The following PALM2AKAP2 variants were observed in gnomAD, a reference collection of about 807,000 sequenced individuals.
The protein encoded by PALM2AKAP2 is PALM2-AKAP2 fusion protein.
In PALM2AKAP2, 37 loss-of-function variants were observed where a neutral mutation model predicts 71.5. That is an observed-to-expected ratio of 0.52 (90% confidence interval 0.40 to 0.68). The LOEUF (loss-of-function observed/expected upper bound fraction) is 0.68. Ranked by LOEUF, PALM2AKAP2 falls within the 30% of genes least tolerant of loss-of-function variation. The probability of loss-of-function intolerance (pLI) is 0.00; values close to 1 mark genes in which losing one functional copy is unlikely to be tolerated. For synonymous variants in PALM2AKAP2, 468 were observed against 478.8 expected, an observed-to-expected ratio of 0.98 and a Z score of 0.29; for missense variants, 1,224 against 1,191.8, an observed-to-expected ratio of 1.03 and a Z score of -0.40.
At chr9:110,081,970 T>C (rs1834459100) in intron 1 of PALM2AKAP2, among the ~76,000 whole-genome samples, 1 of 152,154 alleles carries the variant, frequency 6.6e-6, no homozygotes, top group African/African-American at 2.4e-5. Flanking sequence ...GATTTCAACC[T>C]TTTAATGTGT....
chr9:110,150,326 T>C (rs1339473962), intron 2 of PALM2AKAP2, among the ~76,000 whole-genome samples: 1 of 152,210 alleles, frequency 6.6e-6, no homozygotes, highest in African/African-American at 2.4e-5. Flanking sequence ...AACCTAAGAC[T>C]GGGCTAAAAT....
chr9:110,123,507 T>C (rs1365947815), intron 1 of PALM2AKAP2, among the ~76,000 whole-genome samples: 1 of 152,130 alleles, frequency 6.6e-6, no homozygotes, highest in Non-Finnish European at 1.5e-5. Context: ...CCAAATAAGG[T>C]CACATTCTGA....
At chr9:109,680,897 T>C (rs1398707129) in intron 1 of PALM2AKAP2, among the ~76,000 whole-genome samples, 2 of 152,206 alleles carry the variant, frequency 1.3e-5, no homozygotes. Flanking sequence ...AGTAAATATA[T>C]AATTTTTTAC....
At chr9:110,116,424 G>A (rs575142300) in intron 1 of PALM2AKAP2, among the ~76,000 whole-genome samples, 1 of 152,252 alleles carries the variant, frequency 6.6e-6, no homozygotes, top group African/African-American at 2.4e-5. Context: ...GCGTGCACGC[G>A]CACCTTGTAG....
intron 3 of PALM2AKAP2, among the ~76,000 whole-genome samples, chr9:109,885,416 G>A (rs945567477): frequency 5.9e-5 from 9 of 152,218 alleles, no homozygotes; most frequent in Non-Finnish European, 7.3e-5. Flanking sequence ...AGGAAATTTG[G>A]ATTTAGTGAT....
At chr9:109,731,370 C>T (rs780985075) in intron 1 of PALM2AKAP2, among the ~76,000 whole-genome samples, 2 of 152,130 alleles carry the variant, frequency 1.3e-5, no homozygotes, top group Non-Finnish European at 2.9e-5. Flanking sequence ...CAAATTCATT[C>T]GTTATCCTGT....
intron 6 of PALM2AKAP2, among the ~76,000 whole-genome samples, chr9:109,992,950 T>TAGAG (rs1191786127): frequency 4.6e-4 from 66 of 142,742 alleles, no homozygotes; most frequent in Admixed American, 4.2e-3. Context: ...TATATATATA[T>TAGAG]ATATAGAGAG....
At chr9:109,743,512 CT>C (rs1455927396) in intron 1 of PALM2AKAP2, among the ~76,000 whole-genome samples, 1 of 152,178 alleles carries the variant, frequency 6.6e-6, no homozygotes, top group Non-Finnish European at 1.5e-5. Flanking sequence ...CCATGTATGA[CT>C]GCTGCCTCAA....
At chr9:110,045,830 A>G (rs748427343), upstream of PALM2AKAP2, among the ~76,000 whole-genome samples, 1 of 152,066 alleles carries the variant, frequency 6.6e-6, no homozygotes, top group Non-Finnish European at 1.5e-5. Context: ...GGACTCCCAA[A>G]GTGCTGGGAT....
chr9:109,891,737 C>T (rs1830094594), intron 3 of PALM2AKAP2, among the ~76,000 whole-genome samples: 1 of 152,150 alleles, frequency 6.6e-6, no homozygotes, highest in Non-Finnish European at 1.5e-5. Flanking sequence ...GCGATCTGCT[C>T]ACCTTGGCCT....
At chr9:110,120,266 CAGG>C (rs1370180009) in intron 1 of PALM2AKAP2, among the ~76,000 whole-genome samples, 1 of 152,188 alleles carries the variant, frequency 6.6e-6, no homozygotes, top group Non-Finnish European at 1.5e-5. Flanking sequence ...ATTGCTCCTG[CAGG>C]AGATGAGATA....
intron 1 of PALM2AKAP2, among the ~76,000 whole-genome samples, chr9:109,834,215 A>G (rs150824937): frequency 2.1e-3 from 320 of 152,280 alleles, no homozygotes; most frequent in Non-Finnish European, 3.3e-3. Flanking sequence ...TCCATTTCAA[A>G]CAAAACAAAA....
chr9:109,702,513 G>A (rs1828077216), intron 1 of PALM2AKAP2, among the ~76,000 whole-genome samples: 1 of 146,788 alleles, frequency 6.8e-6, no homozygotes, highest in South Asian at 2.2e-4. Context: ...AACACCACAT[G>A]TTCTCACTCA....
intron 1 of PALM2AKAP2, among the ~76,000 whole-genome samples, chr9:109,808,174 T>C (rs548469058): frequency 1.3e-5 from 2 of 152,300 alleles, no homozygotes; most frequent in Non-Finnish European, 2.9e-5. Flanking sequence ...ACTTTGGAAC[T>C]GGTGAACAGG....
chr9:109,849,863 G>A (rs1314356218), intron 1 of PALM2AKAP2, among the ~76,000 whole-genome samples: 6 of 152,236 alleles, frequency 3.9e-5, no homozygotes, highest in Middle Eastern at 3.4e-3. Flanking sequence ...TCATTCTTGC[G>A]CTATTTTTTT....
At chr9:110,033,861 T>G (rs1216102989) in intron 7 of PALM2AKAP2, among the ~76,000 whole-genome samples, 1 of 152,170 alleles carries the variant, frequency 6.6e-6, no homozygotes, top group Non-Finnish European at 1.5e-5. Flanking sequence ...CTAATACTAA[T>G]TGAGAATCTA....
At chr9:109,962,550 A>G (rs1292131274) in intron 6 of PALM2AKAP2, among the ~76,000 whole-genome samples, 5 of 152,226 alleles carry the variant, frequency 3.3e-5, no homozygotes, top group African/African-American at 4.8e-5. Flanking sequence ...CTGGCCCCCA[A>G]TTAAAGCATA....
At chr9:109,861,926 G>A (rs1466533808) in intron 1 of PALM2AKAP2, among the ~76,000 whole-genome samples, 1 of 152,174 alleles carries the variant, frequency 6.6e-6, no homozygotes, top group Non-Finnish European at 1.5e-5. Context: ...AGGAACACAA[G>A]TGGAAGAGAG....
upstream of PALM2AKAP2, among the ~76,000 whole-genome samples, chr9:110,047,544 C>T (rs373856581): frequency 1.6e-4 from 24 of 152,186 alleles, no homozygotes; most frequent in Admixed American, 7.9e-4. Flanking sequence ...ATCCCAGGGC[C>T]TTGTCAAGGA....
Sources: gnomAD v4.1 joint callset for allele counts (sites outside exome capture counted in the v4.1 genomes callset) on GRCh38, gnomAD v4.1.1 for gene constraint, MANE v1.5 for transcripts, NCBI Gene and HGNC (gene_info 2026-07-23, HGNC 2026-07-21) for gene names.